The following CPEB1 variants were observed in gnomAD, a reference collection of about 807,000 sequenced individuals.
The protein encoded by CPEB1 is cytoplasmic polyadenylation element binding protein 1.
A neutral mutation model predicts 65.8 loss-of-function variants in CPEB1; 7 were observed. The ratio of observed to expected loss-of-function variants is 0.11; its 90% confidence interval spans 0.06 to 0.20. The LOEUF is 0.20. CPEB1 is among the 10% of genes least tolerant of loss of function. CPEB1 has a pLI of 1.00. For synonymous variants in CPEB1, 262 were observed against 260.0 expected (o/e 1.01, Z -0.08); for missense variants, 551 against 712.2 (o/e 0.77, Z 2.58).
chr15:82,634,752 T>C (rs991741845), intron 1 of CPEB1, among the ~76,000 whole-genome samples: 5 of 130,548 alleles, frequency 3.8e-5, no homozygotes, highest in African/African-American at 1.5e-4. Context: ...GCATTGGTCT[T>C]GAACATTTAG....
intron 10 of CPEB1, chr15:82,548,737 T>C (rs2035729270): frequency 4.4e-6 from 2 of 455,578 alleles, no homozygotes; most frequent in African/African-American, 4.0e-5. Flanking sequence ...CTGGGGCTTC[T>C]GAAGTCCCTG....
chr15:82,602,658 C>A (rs2043217254), intron 3 of CPEB1, among the ~76,000 whole-genome samples: 1 of 152,048 alleles, frequency 6.6e-6, no homozygotes, highest in South Asian at 2.1e-4. Context: ...CCAGCCTGGC[C>A]AACATGGTGA....
intron 1 of CPEB1, among the ~76,000 whole-genome samples, chr15:82,643,510 T>A (rs2047264239): frequency 6.6e-6 from 1 of 151,718 alleles, no homozygotes. Context: ...GTGCCTATAG[T>A]CCCCACTACT....
rs565596616 is a variant in CPEB1, at chr15:82,549,812, G to A, written c.1282-154C>T. 5.3e-5 allele frequency among the ~76,000 whole-genome samples: 8 copies of A among 152,240 alleles called. No individual in the cohort carries two copies. In the East Asian group the frequency reaches 7.7e-4, roughly 15 times the overall value. ...GTTGCCCAATCTCAGGCACACAGGC[G>A]TCCAATAAACCACCCTGACTCCACC... On this transcript the variant is annotated intron_variant, in intron 9 of 12. Transcript: ENST00000684509.
intron 1 of CPEB1, chr15:82,629,149 A>T: frequency 2.3e-6 from 1 of 442,296 alleles, no homozygotes; most frequent in Non-Finnish European, 3.0e-6. Flanking sequence ...TCTGCCATTT[A>T]TTGGCTGTGT....
chr15:82,549,289 C>T (rs946097536), intron 10 of CPEB1, among the ~76,000 whole-genome samples, 171 bp downstream of exon 10: 4 of 152,124 alleles, frequency 2.6e-5, no homozygotes, highest in African/African-American at 9.7e-5. Context: ...GGGCTAGATA[C>T]AGAAGGGCCA....
At chr15:82,598,130 G>C (rs2042803936) in intron 3 of CPEB1, among the ~76,000 whole-genome samples, 1 of 152,170 alleles carries the variant, frequency 6.6e-6, no homozygotes. Context: ...GAGCAGGCTA[G>C]CATAAACCTA....
chr15:82,647,839 C>T (rs2047711700), upstream of CPEB1: 5 of 1,279,854 alleles, frequency 3.9e-6, no homozygotes, highest in South Asian at 5.2e-5. Flanking sequence ...CCCAGGCGAG[C>T]GGCGGGTGGC....
intron 3 of CPEB1, among the ~76,000 whole-genome samples, chr15:82,616,701 C>A (rs758584844): frequency 1.3e-5 from 2 of 152,014 alleles, no homozygotes; most frequent in African/African-American, 4.8e-5. Context: ...TGGCACCACG[C>A]CTGGCTAATT....
At chr15:82,644,285 T>C (rs1342577578) in intron 1 of CPEB1, among the ~76,000 whole-genome samples, 1 of 152,196 alleles carries the variant, frequency 6.6e-6, no homozygotes, top group African/African-American at 2.4e-5. Context: ...CCACCTTTTT[T>C]CTAGAATGTA....
chr15:82,633,965 A>T (rs997031692), intron 1 of CPEB1, among the ~76,000 whole-genome samples: 2 of 97,800 alleles, frequency 2.0e-5, no homozygotes, highest in Non-Finnish European at 5.1e-5. Flanking sequence ...CTAAAGGTAT[A>T]AAAAAAAAAA....
intron 1 of CPEB1, among the ~76,000 whole-genome samples, chr15:82,642,095 G>A (rs1215187505): frequency 6.6e-6 from 1 of 152,214 alleles, no homozygotes; most frequent in Non-Finnish European, 1.5e-5. Flanking sequence ...ATTGAGAAAT[G>A]CACTGTTGGG....
upstream of CPEB1, chr15:82,647,722 C>T (rs2047698233): frequency 5.1e-6 from 4 of 790,846 alleles, no homozygotes; most frequent in South Asian, 1.2e-4. Flanking sequence ...GGCACGTGAC[C>T]GCGCCCCGCC....
chr15:82,548,660 T>C (rs1329696575), intron 10 of CPEB1: 2 of 454,424 alleles, frequency 4.4e-6, no homozygotes, highest in Admixed American at 4.7e-5. Context: ...TCCTAGCCCT[T>C]AGGCACTCTG....
intron 3 of CPEB1, among the ~76,000 whole-genome samples, chr15:82,588,098 T>G (rs1267172631): frequency 1.4e-5 from 2 of 141,512 alleles, no homozygotes; most frequent in African/African-American, 2.7e-5. Context: ...GGTTTTTTTT[T>G]GTTTGTTTTT....
chr15:82,546,621 G>A lies in CPEB1; in HGVS notation c.1576-100C>T, dbSNP rs769473296. ...CATTATTGGCCACACACAGGAATGC[G>A]GGATATTGGAATGCAGGATATTTGC... On this transcript the variant is annotated intron_variant, in intron 11 of 12. Coordinates refer to ENST00000684509, the MANE Select transcript of CPEB1 (RefSeq NM_001365242.1). 78 of 855,330 alleles carry A rather than the reference G, an allele frequency of 9.1e-5. 1 individual carries two copies. Among genetic ancestry groups the A allele is most frequent in the South Asian group, 3.9e-4 (27 of 69,866 alleles). The allele number at this position is 855,330 out of a possible 1,614,324, so 53.0% of individuals were successfully genotyped here. A position where few individuals can be genotyped will look rare whatever the true frequency, so the allele number is the denominator to read the frequency against.
chr15:82,557,624 T>C, intron 5 of CPEB1, 136 bp downstream of exon 5: 1 of 705,390 alleles, frequency 1.4e-6, no homozygotes, highest in South Asian at 1.8e-5. Flanking sequence ...CACAATAATC[T>C]CCACTCCTCC....
At chr15:82,621,555 T>A (rs1377664552) in intron 3 of CPEB1, among the ~76,000 whole-genome samples, 1 of 151,570 alleles carries the variant, frequency 6.6e-6, no homozygotes, top group African/African-American at 2.4e-5. Flanking sequence ...CGGGCAGAGG[T>A]TGCGGTGAGC....
chr15:82,602,991 A>G (rs2151201155), intron 3 of CPEB1, among the ~76,000 whole-genome samples: 1 of 152,356 alleles, frequency 6.6e-6, no homozygotes, highest in East Asian at 1.9e-4. Context: ...ACTTTGTCAG[A>G]ACTCTGGAAA....
Sources: allele counts gnomAD v4.1 joint callset (sites outside exome capture counted in the v4.1 genomes callset), GRCh38; gene constraint gnomAD v4.1.1; transcripts MANE v1.5; gene names NCBI Gene and HGNC (gene_info 2026-07-23, HGNC 2026-07-21).